Variants in KCNMB4 observed in about 807,000 individuals in gnomAD.
The protein encoded by KCNMB4 is potassium calcium-activated channel subfamily M regulatory beta subunit 4.
In KCNMB4, 3 loss-of-function variants were observed where a neutral mutation model predicts 20.7. The ratio of observed to expected loss-of-function variants is 0.14; its 90% CI spans 0.07 to 0.37. The LOEUF (loss-of-function observed/expected upper bound fraction) is 0.37. KCNMB4 is among the 10% of genes least tolerant of loss of function. The probability of loss-of-function intolerance (pLI) is 1.00; values close to 1 mark genes in which losing one functional copy is unlikely to be tolerated. For synonymous variants in KCNMB4, 110 were observed against 113.4 expected (o/e 0.97, Z 0.19); for missense variants, 168 against 265.9 (o/e 0.63, Z 2.56).
chr12:70,411,471 A>T (rs1287949969), intron 2 of KCNMB4, among the ~76,000 whole-genome samples: 1 of 152,184 alleles, frequency 6.6e-6, no homozygotes, highest in Non-Finnish European at 1.5e-5. Flanking sequence ...TTCAACTTAA[A>T]ATTTAAGCTT....
intron 2 of KCNMB4, among the ~76,000 whole-genome samples, chr12:70,417,381 A>G (rs1471169550): frequency 6.6e-6 from 1 of 152,190 alleles, no homozygotes. Context: ...AGGCTCCTCA[A>G]GGAGGACAAA....
intron 2 of KCNMB4, among the ~76,000 whole-genome samples, chr12:70,401,992 C>T (rs1355304642): frequency 1.3e-5 from 2 of 152,122 alleles, no homozygotes; most frequent in Admixed American, 6.6e-5. Context: ...GGAGGAGCTG[C>T]AAAACATTTG....
chr12:70,400,373 T>G lies in KCNMB4; in HGVS notation c.464+37T>G, dbSNP rs777841629. 1.8e-5 allele frequency: 29 copies of G among 1,583,918 alleles called. 1 individual carries two copies. Among genetic ancestry groups the G allele is most frequent in the Middle Eastern group, 1.7e-4 (1 of 5,932 alleles). The stretch of plus-strand genomic sequence containing the variant: ...TTTGCATGTGCGTGTTAAAATTGTT[T>G]GTAGACTCTGCAGCTTATTACACTG... On this transcript the variant is annotated intron_variant, in intron 2 of 2. Coordinates refer to ENST00000258111, the MANE Select transcript of KCNMB4 (RefSeq NM_014505.6).
intron 1 of KCNMB4, among the ~76,000 whole-genome samples, chr12:70,373,497 G>A (rs1007727265): frequency 3.3e-5 from 5 of 152,256 alleles, no homozygotes; most frequent in Admixed American, 1.3e-4. Flanking sequence ...TGAATTTTCC[G>A]CTAGGCATTC....
intron 1 of KCNMB4, among the ~76,000 whole-genome samples, chr12:70,377,615 A>G (rs1035552256): frequency 6.6e-6 from 1 of 152,166 alleles, no homozygotes. Flanking sequence ...TCCTGCATCA[A>G]TTGACTCTTC....
chr12:70,410,529 C>T (rs1868743059), intron 2 of KCNMB4, among the ~76,000 whole-genome samples: 2 of 152,228 alleles, frequency 1.3e-5, no homozygotes, highest in Non-Finnish European at 2.9e-5. Context: ...ATTGTACGAC[C>T]TTGGATAAAT....
chr12:70,375,739 A>G (rs1041096970), intron 1 of KCNMB4, among the ~76,000 whole-genome samples: 1 of 152,202 alleles, frequency 6.6e-6, no homozygotes, highest in Non-Finnish European at 1.5e-5. Flanking sequence ...TTGGGGTTCA[A>G]CAATGTGTAG....
chr12:70,403,081 CT>C (rs1868500065), intron 2 of KCNMB4, among the ~76,000 whole-genome samples: 1 of 152,088 alleles, frequency 6.6e-6, no homozygotes. Context: ...GGGTATACCC[CT>C]GAGTAGATTT....
At chr12:70,420,817 G>A (rs1869030361) in intron 2 of KCNMB4, among the ~76,000 whole-genome samples, 2 of 152,256 alleles carry the variant, frequency 1.3e-5, no homozygotes, top group African/African-American at 4.8e-5. Flanking sequence ...CCAGCACTTT[G>A]GGAGGCCGAG....
intron 2 of KCNMB4, among the ~76,000 whole-genome samples, chr12:70,426,412 T>G (rs1869217060): frequency 6.6e-6 from 1 of 152,202 alleles, no homozygotes; most frequent in African/African-American, 2.4e-5. Context: ...TATTAGAACT[T>G]TACACAATGC....
In KCNMB4 at chr12:70,366,680, C is replaced by T; in HGVS notation, c.-55C>T. ...TCCCGCCCGAGGCAGTCGGGCTCGG[C>T]GCCGGGGGCGGGAGGGGGCGGGGGG... On this transcript the variant is annotated 5_prime_UTR_variant, in exon 1 of 3. Transcript: ENST00000258111. 7.6e-7 allele frequency: 1 copy of T among 1,323,740 alleles called. No homozygotes were observed. The highest frequency in any genetic ancestry group is 9.7e-7 in the Non-Finnish European group (1 of 1,029,456). 82.0% of individuals were successfully genotyped at this position (1,323,740 alleles called of 1,614,324 possible).
At position 70,432,487 on chromosome 12, in the gene KCNMB4, T is replaced by A. The variant is rs1260969181; in HGVS notation, c.*1834T>A. 1.3e-5 allele frequency: 2 copies of A among 152,250 alleles called. No homozygotes were observed. The highest frequency in any genetic ancestry group is 4.8e-5 in the African/African-American group (2 of 41,448). 9.4% of individuals were successfully genotyped at this position (152,250 alleles called of 1,614,324 possible). On this transcript the variant is annotated 3_prime_UTR_variant, in exon 3 of 3. Transcript: ENST00000258111. ...ATTCACAGGTATGATCATAGCACAC[T>A]GCAGCCTCAAGCTCCTGGGCTCAAG...
intron 2 of KCNMB4, among the ~76,000 whole-genome samples, chr12:70,410,488 G>A (rs765616706): frequency 6.6e-6 from 1 of 152,104 alleles, no homozygotes; most frequent in African/African-American, 2.4e-5. Context: ...ATCAAGCATC[G>A]GGATTTACAT....
intron 2 of KCNMB4, among the ~76,000 whole-genome samples, chr12:70,418,234 C>G (rs1868961533): frequency 6.6e-6 from 1 of 152,070 alleles, no homozygotes; most frequent in African/African-American, 2.4e-5. Flanking sequence ...TTGGGTGCAT[C>G]AGTATGTTTG....
chr12:70,411,143 C>A (rs1201660551), intron 2 of KCNMB4, among the ~76,000 whole-genome samples: 2 of 152,182 alleles, frequency 1.3e-5, no homozygotes, highest in East Asian at 1.9e-4. Context: ...TTCAAACTCT[C>A]AAATTCTATG....
At chr12:70,418,069 G>A (rs1025108909) in intron 2 of KCNMB4, among the ~76,000 whole-genome samples, 1 of 152,034 alleles carries the variant, frequency 6.6e-6, no homozygotes, top group Non-Finnish European at 1.5e-5. Flanking sequence ...GCCTTATTTT[G>A]TCTGTGCACA....
intron 2 of KCNMB4, among the ~76,000 whole-genome samples, chr12:70,407,988 C>T (rs1429917837): frequency 3.3e-5 from 5 of 152,180 alleles, no homozygotes; most frequent in African/African-American, 7.2e-5. Flanking sequence ...ATACAAATTT[C>T]TTATTATGTC....
intron 1 of KCNMB4, among the ~76,000 whole-genome samples, chr12:70,369,351 C>A (rs78979975): frequency 0.096 from 14,554 of 152,288 alleles, 901 homozygotes; most frequent in Middle Eastern, 0.19. Context: ...ATGCCAGAGT[C>A]ATGTACATAA....
intron 2 of KCNMB4, among the ~76,000 whole-genome samples, chr12:70,418,289 G>C (rs1454221005): frequency 6.6e-6 from 1 of 152,176 alleles, no homozygotes; most frequent in Non-Finnish European, 1.5e-5. Context: ...CGTTGCAAGT[G>C]TGTGATCTGT....
Sources: allele counts gnomAD v4.1 joint callset (sites outside exome capture counted in the v4.1 genomes callset), GRCh38; gene constraint gnomAD v4.1.1; transcripts MANE v1.5; gene names NCBI Gene and HGNC (gene_info 2026-07-23, HGNC 2026-07-21).